MYO16: variants seen among roughly 807,000 people sequenced by gnomAD.
The protein encoded by MYO16 is unconventional myosin-XVI.
In MYO16, 94 loss-of-function variants were observed where a neutral mutation model predicts 205.3. The ratio of observed to expected loss-of-function variants is 0.46; its 90% CI spans 0.39 to 0.54. MYO16 has a LOEUF of 0.54. MYO16 is among the 20% of genes least tolerant of loss of function. The probability of loss-of-function intolerance (pLI) is 0.00; values close to 1 mark genes in which losing one functional copy is unlikely to be tolerated. For missense variants in MYO16, 2,315 were observed against 2,387.5 expected, an observed-to-expected ratio of 0.97 and a Z score of 0.63; for synonymous variants, 988 against 954.0, an observed-to-expected ratio of 1.04 and a Z score of -0.66.
At chr13:108,751,068 C>CACACAA (rs1211990384) in intron 4 of MYO16, among the ~76,000 whole-genome samples, 1 of 151,456 alleles carries the variant, frequency 6.6e-6, no homozygotes, top group Non-Finnish European at 1.5e-5. Context: ...TGTTCACACA[C>CACACAA]ACACACACAC....
the MYO16 span, among the ~76,000 whole-genome samples, chr13:108,510,187 G>C: frequency 6.6e-6 from 1 of 152,056 alleles, no homozygotes; most frequent in South Asian, 2.1e-4. Context: ...CGCTATCTCG[G>C]CTCACTGCAA....
At chr13:109,166,678 C>G (rs1878683453) in intron 33 of MYO16, 1 of 152,162 alleles carries the variant, frequency 6.6e-6, no homozygotes, top group South Asian at 2.1e-4. Flanking sequence ...AGTATCTTCC[C>G]AAGAGAAATG....
At chr13:109,081,986 A>G (rs1254176475) in intron 27 of MYO16, among the ~76,000 whole-genome samples, 1 of 152,194 alleles carries the variant, frequency 6.6e-6, no homozygotes, top group Non-Finnish European at 1.5e-5. Context: ...ATTTGTTTTC[A>G]TATCATTTTC....
At chr13:108,580,186 A>G in the MYO16 span, among the ~76,000 whole-genome samples, 25 of 152,232 alleles carry the variant, frequency 1.6e-4, 1 homozygote, top group Non-Finnish European at 1.5e-5. Flanking sequence ...ACATTTTGCT[A>G]TACTGCATCC....
chr13:108,786,410 A>G (rs183422278), intron 5 of MYO16, among the ~76,000 whole-genome samples: 2 of 152,358 alleles, frequency 1.3e-5, no homozygotes, highest in East Asian at 1.9e-4. Context: ...ATTAAACTAA[A>G]GAATTATGCC....
At chr13:108,886,463 G>GT in intron 13 of MYO16, 1 of 456,240 alleles carries the variant, frequency 2.2e-6, no homozygotes, top group Non-Finnish European at 4.4e-6. Flanking sequence ...ACACGAGAGA[G>GT]TAAGTGGAGT....
the MYO16 span, among the ~76,000 whole-genome samples, chr13:108,587,375 G>A: frequency 1.3e-5 from 2 of 152,082 alleles, no homozygotes; most frequent in Non-Finnish European, 2.9e-5. Context: ...AAGGCTAGGA[G>A]TGTCAATTTC....
At chr13:108,870,902 C>T (rs964562370) in intron 12 of MYO16, among the ~76,000 whole-genome samples, 1 of 151,932 alleles carries the variant, frequency 6.6e-6, no homozygotes, top group Non-Finnish European at 1.5e-5. Context: ...CTGAATTCTA[C>T]ATGTTTGCTA....
intron 20 of MYO16, among the ~76,000 whole-genome samples, chr13:108,984,887 C>T (rs550437151): frequency 2.0e-4 from 31 of 152,276 alleles, no homozygotes; most frequent in African/African-American, 5.5e-4. Flanking sequence ...AACTTGATTC[C>T]GAGTCCTGAA....
the MYO16 span, among the ~76,000 whole-genome samples, chr13:108,586,893 T>C: frequency 1.3e-5 from 2 of 152,198 alleles, no homozygotes; most frequent in Non-Finnish European, 1.5e-5. Context: ...AAGCGCCTAT[T>C]TTCCTATCTT....
At chr13:108,986,313 T>A (rs868289887) in intron 20 of MYO16, among the ~76,000 whole-genome samples, 18 of 152,224 alleles carry the variant, frequency 1.2e-4, no homozygotes, top group Middle Eastern at 3.4e-3. Context: ...TTTTTATACA[T>A]GTAATCTCCA....
At chr13:108,742,979 A>T (rs762995865) in intron 4 of MYO16, among the ~76,000 whole-genome samples, 3 of 152,200 alleles carry the variant, frequency 2.0e-5, no homozygotes, top group Non-Finnish European at 4.4e-5. Context: ...TGTCTTCAGC[A>T]TGCCAGATCT....
At chr13:109,152,075 A>G (rs1214809426) in intron 32 of MYO16, among the ~76,000 whole-genome samples, 2 of 152,244 alleles carry the variant, frequency 1.3e-5, no homozygotes, top group Non-Finnish European at 2.9e-5. Context: ...AGTGCCCAGC[A>G]GCAGATCCTA....
At chr13:108,703,702 A>AT (rs1883394611) in intron 2 of MYO16, among the ~76,000 whole-genome samples, 1 of 152,218 alleles carries the variant, frequency 6.6e-6, no homozygotes, top group African/African-American at 2.4e-5. Flanking sequence ...ATTACAAAGT[A>AT]TGTTCTCTCA....
At chr13:108,552,366 T>C in the MYO16 span, among the ~76,000 whole-genome samples, 1 of 152,328 alleles carries the variant, frequency 6.6e-6, no homozygotes, top group Admixed American at 6.5e-5. Context: ...TTTCTGTCTA[T>C]AAACATTTCT....
chr13:108,940,640 T>G (rs1460181623), intron 16 of MYO16, among the ~76,000 whole-genome samples: 1 of 152,160 alleles, frequency 6.6e-6, no homozygotes, highest in Non-Finnish European at 1.5e-5. Context: ...TTATGTAATA[T>G]GGAGAAAAAT....
chr13:108,998,883 A>C (rs936121661), intron 21 of MYO16, among the ~76,000 whole-genome samples: 1 of 152,114 alleles, frequency 6.6e-6, no homozygotes, highest in Non-Finnish European at 1.5e-5. Context: ...TTGTTGGATG[A>C]TTTTTCTAGA....
chr13:108,757,335 T>G (rs1169030215), intron 4 of MYO16, among the ~76,000 whole-genome samples: 5 of 152,242 alleles, frequency 3.3e-5, no homozygotes, highest in African/African-American at 1.2e-4. Flanking sequence ...CGGAATATTT[T>G]ATTCCTAATG....
chr13:108,546,525 T>C, the MYO16 span, among the ~76,000 whole-genome samples: 1 of 152,178 alleles, frequency 6.6e-6, no homozygotes. Context: ...ATTATATACA[T>C]ATAGCTTATG....
Sources: gnomAD v4.1 joint callset for allele counts (sites outside exome capture counted in the v4.1 genomes callset) on GRCh38, gnomAD v4.1.1 for gene constraint, MANE v1.5 for transcripts, NCBI Gene and HGNC (gene_info 2026-07-23, HGNC 2026-07-21) for gene names.